GALNT13: variants seen among roughly 807,000 people sequenced by gnomAD.
GALNT13 encodes the protein polypeptide N-acetylgalactosaminyltransferase 13.
GALNT13 carries 28 observed loss-of-function variants against 64.2 expected under a neutral mutation model. The observed-to-expected ratio is 0.44, with a 90% confidence interval of 0.32 to 0.60. The LOEUF (loss-of-function observed/expected upper bound fraction) is 0.60. GALNT13 is among the 20% of genes least tolerant of loss of function. GALNT13 has a pLI of 0.05. For missense variants in GALNT13, 577 were observed against 669.8 expected, an observed-to-expected ratio of 0.86 and a Z score of 1.53; for synonymous variants, 214 against 224.6, an observed-to-expected ratio of 0.95 and a Z score of 0.42.
chr2:154,444,183 A>G (rs1701446803), intron 12 of GALNT13, among the ~76,000 whole-genome samples: 1 of 152,054 alleles, frequency 6.6e-6, no homozygotes. Context: ...CTAAAACAAA[A>G]CAAAAGTAGA....
the GALNT13 span, among the ~76,000 whole-genome samples, chr2:153,150,935 A>C: frequency 6.6e-6 from 1 of 152,088 alleles, no homozygotes; most frequent in Non-Finnish European, 1.5e-5. Flanking sequence ...CTTTTGGCTT[A>C]GGATTGACTT....
At chr2:153,298,754 C>T in the GALNT13 span, among the ~76,000 whole-genome samples, 1 of 151,980 alleles carries the variant, frequency 6.6e-6, no homozygotes, top group African/African-American at 2.4e-5. Flanking sequence ...TTAACCAAAC[C>T]CAAGGAATAA....
At chr2:153,867,589 T>C (rs1425371103), upstream of GALNT13, among the ~76,000 whole-genome samples, 1 of 152,112 alleles carries the variant, frequency 6.6e-6, no homozygotes, top group Non-Finnish European at 1.5e-5. Flanking sequence ...TTTAAGCACA[T>C]GACGTTTATT....
At chr2:153,723,370 A>G in the GALNT13 span, among the ~76,000 whole-genome samples, 3 of 150,726 alleles carry the variant, frequency 2.0e-5, no homozygotes, top group African/African-American at 5.0e-5. Context: ...AAAAACTGGA[A>G]GCATTCCCTT....
chr2:153,790,116 CAG>C, the GALNT13 span, among the ~76,000 whole-genome samples: 15 of 152,234 alleles, frequency 9.9e-5, no homozygotes, highest in African/African-American at 3.6e-4. Context: ...CAAACCCTGG[CAG>C]AGACAAAACA....
the GALNT13 span, among the ~76,000 whole-genome samples, chr2:153,459,711 GACA>G: frequency 3.7e-4 from 56 of 152,148 alleles, 1 homozygote; most frequent in African/African-American, 1.3e-3. Context: ...CAACACTAAA[GACA>G]ACAAGTAGAG....
the GALNT13 span, among the ~76,000 whole-genome samples, chr2:153,624,649 A>G: frequency 6.6e-6 from 1 of 152,060 alleles, no homozygotes; most frequent in African/African-American, 2.4e-5. Flanking sequence ...GAAACTTTTG[A>G]GACAATTTAC....
chr2:153,352,059 A>G, the GALNT13 span, among the ~76,000 whole-genome samples: 1 of 152,154 alleles, frequency 6.6e-6, no homozygotes, highest in Non-Finnish European at 1.5e-5. Context: ...CAGCTGTAAC[A>G]CTTTGCATTC....
intron 1 of GALNT13, among the ~76,000 whole-genome samples, chr2:153,877,295 C>A (rs970686549): frequency 6.6e-6 from 1 of 152,094 alleles, no homozygotes; most frequent in Non-Finnish European, 1.5e-5. Flanking sequence ...GACTCTGTTT[C>A]ATATATTCCA....
At chr2:154,284,271 C>T (rs1031552219) in intron 8 of GALNT13, among the ~76,000 whole-genome samples, 5 of 152,128 alleles carry the variant, frequency 3.3e-5, no homozygotes, top group African/African-American at 1.2e-4. Flanking sequence ...TCTTCTCTTT[C>T]CCCATCTCTC....
rs67316542 is a variant in GALNT13 at position 154,019,602 on chromosome 2, CCACACACACACA to C, written c.142+75004_142+75015del. Among the ~76,000 whole-genome samples the C allele has an allele frequency of 5.1e-3, 645 of 126,512 alleles. 1 individual carries two copies. Among genetic ancestry groups the C allele is most frequent in the South Asian group, 8.5e-3 (29 of 3,406 alleles). 83.0% of individuals were successfully genotyped at this position (126,512 alleles called of 152,430 possible). A position where few individuals can be genotyped will look rare whatever the true frequency, so the allele number is the denominator to read the frequency against. ...TCCAGCCTGGCCACAGAGTAAGACT[CCACACACACACA>C]CACACACACACACACACACACACAC... On this transcript the variant is annotated intron_variant, in intron 3 of 12. Transcript: ENST00000392825.
Position 154,199,615 on chromosome 2 carries a change from G to A in GALNT13, c.312-42415G>A, listed in dbSNP as rs10204257. On this transcript the variant is annotated intron_variant, in intron 4 of 12. Coordinates refer to ENST00000392825, the MANE Select transcript of GALNT13 (RefSeq NM_052917.4). ...TTGTTTGACAGTGGAAGCTAAACAA[G>A]ATATGTCTCAGTGGAGTAATTATTG... 7.4e-3 allele frequency among the ~76,000 whole-genome samples: 1,122 copies of A among 152,092 alleles called. 8 individuals carry two copies. Among genetic ancestry groups the A allele is most frequent in the Middle Eastern group, 0.02 (6 of 294 alleles).
chr2:154,400,700 C>T (rs953771572), intron 10 of GALNT13, among the ~76,000 whole-genome samples: 8 of 152,096 alleles, frequency 5.3e-5, no homozygotes, highest in Non-Finnish European at 1.0e-4. Context: ...TGAACTAAAA[C>T]CTTTAAGTAA....
chr2:153,961,429 A>T (rs1692935574), intron 3 of GALNT13, among the ~76,000 whole-genome samples: 1 of 152,184 alleles, frequency 6.6e-6, no homozygotes, highest in Admixed American at 6.5e-5. Flanking sequence ...ACAGCAATGT[A>T]AATATCAGGC....
the GALNT13 span, among the ~76,000 whole-genome samples, chr2:153,528,126 T>C: frequency 2.6e-5 from 4 of 151,704 alleles, no homozygotes; most frequent in Admixed American, 2.0e-4. Flanking sequence ...TCAAAAGATA[T>C]AGAATGGTTG....
chr2:153,633,239 G>A, the GALNT13 span, among the ~76,000 whole-genome samples: 1 of 151,968 alleles, frequency 6.6e-6, no homozygotes, highest in African/African-American at 2.4e-5. Context: ...TATAATCTAT[G>A]TTTCCCCTAT....
intron 2 of GALNT13, among the ~76,000 whole-genome samples, chr2:153,927,534 A>G (rs1043342719): frequency 6.6e-6 from 1 of 151,910 alleles, no homozygotes; most frequent in Non-Finnish European, 1.5e-5. Context: ...GTTGCTTTAT[A>G]TTGATTGACA....
At chr2:154,368,520 G>A (rs1297171298) in intron 9 of GALNT13, among the ~76,000 whole-genome samples, 3 of 152,090 alleles carry the variant, frequency 2.0e-5, no homozygotes, top group Non-Finnish European at 4.4e-5. Flanking sequence ...AATGTAAAGG[G>A]TTTTAACTTC....
chr2:154,168,321 C>G (rs1375413943), intron 4 of GALNT13, among the ~76,000 whole-genome samples: 1 of 152,146 alleles, frequency 6.6e-6, no homozygotes, highest in Admixed American at 6.5e-5. Context: ...AGAATTCCCT[C>G]TTCTTCAGAA....
Sources: gnomAD v4.1 joint callset for allele counts (sites outside exome capture counted in the v4.1 genomes callset) on GRCh38, gnomAD v4.1.1 for gene constraint, MANE v1.5 for transcripts, NCBI Gene and HGNC (gene_info 2026-07-23, HGNC 2026-07-21) for gene names.